The following BCL2L12 variants were observed in gnomAD, a reference collection of about 807,000 sequenced individuals.
BCL2L12 encodes the protein BCL2 like 12.
BCL2L12 carries 27 observed loss-of-function variants against 25.7 expected under a neutral mutation model. That is an observed-to-expected ratio of 1.05 (90% CI 0.78 to 1.45). The LOEUF (loss-of-function observed/expected upper bound fraction) is 1.45, where lower values mean the gene tolerates loss of function less well. Ranked by LOEUF, BCL2L12 falls within the 40% of genes most tolerant of loss-of-function variation. The pLI, the probability that BCL2L12 is intolerant of heterozygous loss-of-function variation, is 0.00. For synonymous variants in BCL2L12, 132 were observed against 145.6 expected (o/e 0.91, Z 0.67); for missense variants, 302 against 329.8 (o/e 0.92, Z 0.65).
At chr19:49,668,717 T>C in intron 3 of BCL2L12, 134 bp from the exon 4 acceptor site, 1 of 924,756 alleles carries the variant, frequency 1.1e-6, no homozygotes, top group Non-Finnish European at 1.6e-6. Context: ...GAGACTCCGT[T>C]TCCCAAAATC....
In BCL2L12 at chr19:49,666,672, C is replaced by A; in HGVS notation, c.-8-13C>A. ...AACCCTTGGAGTCCAGTCCCTAACC[C>A]TCTCTCTCACAGGTGCCTCCATGGC... is the stretch of plus-strand genomic sequence containing the variant. On this transcript the variant is annotated splice_polypyrimidine_tract_variant and intron_variant, in intron 1 of 6. Coordinates refer to ENST00000246784, the MANE Select transcript of BCL2L12 (RefSeq NM_138639.2). 1 of 1,545,666 alleles carries A rather than the reference C, an allele frequency of 6.5e-7. No homozygotes were observed. The highest frequency in any genetic ancestry group is 8.7e-7 in the Non-Finnish European group (1 of 1,142,910).
intron 6 of BCL2L12, among the ~76,000 whole-genome samples, chr19:49,671,018 C>T (rs1432015700): frequency 6.6e-6 from 1 of 151,672 alleles, no homozygotes; most frequent in Non-Finnish European, 1.5e-5. Context: ...ATAAATTAGC[C>T]GGGCGCGGTG....
Position 49,672,162 on chromosome 19 carries a change from TGTCGCA to T in BCL2L12, c.703-1532_703-1527del, listed in dbSNP as rs2081973341. The stretch of plus-strand genomic sequence containing the variant: ...CGTGCTGGCCCTGTGGCTTGGCGAC[TGTCGCA>T]GTCTCCCTGAGCGGCACTCTCCCCA... On this transcript the variant is annotated intron_variant, in intron 6 of 6. Transcript: ENST00000246784. This position sits in a 1 kb window ranked among gnomAD's most constrained non-coding sequence, Gnocchi z 4.1. 6.6e-6 allele frequency: 1 copy of T among 152,434 alleles called. No homozygotes were observed. 9.4% of individuals were successfully genotyped at this position (152,434 alleles called of 1,614,324 possible).
At chr19:49,667,272 A>C in intron 3 of BCL2L12, 111 bp downstream of exon 3, 1 of 1,459,444 alleles carries the variant, frequency 6.9e-7, no homozygotes, top group Non-Finnish European at 9.3e-7. Flanking sequence ...ACCAGCCTTC[A>C]GGACAGAACC....
rs142687869 is a variant in BCL2L12, at chr19:49,665,940, A to T, written c.-136A>T. 25 of 1,613,550 alleles carry T rather than the reference A, an allele frequency of 1.5e-5. No homozygotes were observed. The highest frequency in any genetic ancestry group is 1.6e-4 in the Middle Eastern group (1 of 6,076). On this transcript the variant is annotated 5_prime_UTR_variant, in exon 1 of 7. Transcript: ENST00000246784. ...GTGCACCCAGCGTTCCGCCCTTTCT[A>T]CGCTGGGCCGGTTATCGACCCGGCC...
Position 49,672,701 on chromosome 19 carries a change from A to C in BCL2L12, c.703-997A>C, listed in dbSNP as rs1268653512. On this transcript the variant is annotated intron_variant, in intron 6 of 6. Coordinates refer to ENST00000246784, the MANE Select transcript of BCL2L12 (RefSeq NM_138639.2). The surrounding 1 kb of genome is among the most constrained non-coding windows in gnomAD (Gnocchi z 4.1). ...AAAGGATGCTGGCCCGAGCAGCTGCAGGGCGACATCTTAAGTTCCCCGAGA... is the reference window on the plus strand; with the variant it reads ...AAAGGATGCTGGCCCGAGCAGCTGCCGGGCGACATCTTAAGTTCCCCGAGA... Among the ~76,000 whole-genome samples the C allele has an allele frequency of 7.0e-6, 1 of 143,060 alleles. No homozygotes were observed. The highest frequency in any genetic ancestry group is 1.5e-5 in the Non-Finnish European group (1 of 65,666). The allele number at this position is 143,060 out of a possible 152,430, so 93.9% of individuals were successfully genotyped here.
At chr19:49,669,797 G>A (rs2093711518) in intron 5 of BCL2L12, among the ~76,000 whole-genome samples, 1 of 152,124 alleles carries the variant, frequency 6.6e-6, no homozygotes, top group Non-Finnish European at 1.5e-5. Flanking sequence ...TACTACCAGA[G>A]GAGGTGTGGC....
rs199837123 is a variant in BCL2L12, at chr19:49,668,868, T to G, written c.268T>G (p.Phe90Val). Residue 90 changes from phenylalanine to valine, a missense_variant, in exon 4 of 7, where the codon TTC becomes GTC. By Grantham distance (50) the Phe-to-Val change is conservative. Coordinates refer to ENST00000246784, the MANE Select transcript of BCL2L12 (RefSeq NM_138639.2). Reference sequence around the variant, plus strand: ...CACCCCAGGCCCAGCTACTCCAGACTTCTATGCTTTGGTGGCCCAGCGGCT... The same window carrying G: ...CACCCCAGGCCCAGCTACTCCAGACGTCTATGCTTTGGTGGCCCAGCGGCT... ...GLEPGPATPD[F>V]YALVAQRLEQ... 1.1e-4 allele frequency: 171 copies of G among 1,613,120 alleles called. No homozygotes were observed. The Middle Eastern group carries it at 1.3e-3, about 13-fold the overall frequency.
At chr19:49,669,138 C>T (rs2122840017) in intron 5 of BCL2L12, 23 bp downstream of exon 5, 1 of 1,611,894 alleles carries the variant, frequency 6.2e-7, no homozygotes, top group Non-Finnish European at 8.5e-7. Flanking sequence ...TGTCCCACTC[C>T]TTGGCAAGGA....
chr19:49,665,676 G>A, upstream of BCL2L12: 1 of 1,128,284 alleles, frequency 8.9e-7, no homozygotes, highest in South Asian at 1.6e-5. Flanking sequence ...ACCCACCCCT[G>A]TCTTGGAGCT....
chr19:49,667,217 G>A, intron 3 of BCL2L12, 56 bp downstream of exon 3: 1 of 1,589,560 alleles, frequency 6.3e-7, no homozygotes, highest in Admixed American at 1.7e-5. Flanking sequence ...TAAGGTGCTA[G>A]TTTAAGATCA....
intron 6 of BCL2L12, among the ~76,000 whole-genome samples, chr19:49,671,259 T>C (rs1453165836): frequency 2.0e-5 from 3 of 151,964 alleles, no homozygotes; most frequent in Admixed American, 2.0e-4. Context: ...GGTCAGGAGT[T>C]TGAGACCAGC....
Position 49,670,504 on chromosome 19 carries a change from C to G in BCL2L12, c.702+16C>G. The G allele has an allele frequency of 6.5e-7, 1 of 1,536,484 alleles. No individual in the cohort carries two copies. Among genetic ancestry groups the G allele is most frequent in the Non-Finnish European group, 8.7e-7 (1 of 1,143,920 alleles). Reference sequence around the variant, plus strand: ...CGGGGGCTGGGTGAGCCGCTGAAGCCTCTCTCTCCGGGCCTCACTTTACCT... The same window carrying G: ...CGGGGGCTGGGTGAGCCGCTGAAGCGTCTCTCTCCGGGCCTCACTTTACCT... On this transcript the variant is annotated intron_variant, in intron 6 of 6. Coordinates refer to ENST00000246784, the MANE Select transcript of BCL2L12 (RefSeq NM_138639.2).
chr19:49,673,057 G>T (rs1353025133), intron 6 of BCL2L12, among the ~76,000 whole-genome samples: 1 of 152,136 alleles, frequency 6.6e-6, no homozygotes, highest in African/African-American at 2.4e-5. Context: ...GCAGAGACGG[G>T]GTTTTGCCCT....
chr19:49,668,978 G>A (rs2122837899), intron 4 of BCL2L12, 41 bp downstream of exon 4: 2 of 1,613,936 alleles, frequency 1.2e-6, no homozygotes, highest in Non-Finnish European at 1.7e-6. Context: ...GGCGGTGGGA[G>A]GATAGTCAGG....
rs768916751 is a variant in BCL2L12, at chr19:49,670,438, G to A, written c.652G>A (p.Val218Met). The change falls in exon 6 of 7, where the codon GTG becomes ATG. Residue 218 changes from valine (V) to methionine (M), a missense_variant. Val to Met is a conservative substitution (Grantham distance 21, BLOSUM62 1). Transcript: ENST00000246784. Reference protein sequence around the residue: ...GLGGTLAGLSVEHVHSFTPWI... With the variant: ...GLGGTLAGLSMEHVHSFTPWI... ...GGGGGGCACCCTGGCCGGACTCAGC[G>A]TGGAGCACGTGCACAGCTTCACGCC... 3.2e-6 allele frequency: 5 copies of A among 1,538,752 alleles called. 1 individual carries two copies. The highest frequency in any genetic ancestry group is 2.4e-5 in the South Asian group (2 of 82,908).
At chr19:49,667,686 A>G (rs577513984) in intron 3 of BCL2L12, among the ~76,000 whole-genome samples, 160 of 152,282 alleles carry the variant, frequency 1.1e-3, no homozygotes, top group African/African-American at 3.7e-3. Flanking sequence ...GCTGTGATCA[A>G]TTGGTGATGT....
intron 2 of BCL2L12, 69 bp downstream of exon 2, chr19:49,666,868 C>A: frequency 6.6e-7 from 1 of 1,515,336 alleles, no homozygotes; most frequent in South Asian, 1.2e-5. Flanking sequence ...TGCTCCTGGT[C>A]TCAGTCTGTC....
At position 49,672,467 on chromosome 19, in the gene BCL2L12, A is replaced by G. The variant is rs2122880299; in HGVS notation, c.703-1231A>G. ...GACTCTGGGTAAGCCAAGGTCTCTG[A>G]GCAGCGGAGGGACAGGCGCTGATTT... On this transcript the variant is annotated intron_variant, in intron 6 of 6. Transcript: ENST00000246784. The surrounding 1 kb of genome is among the most constrained non-coding windows in gnomAD (Gnocchi z 4.1). Among the ~76,000 whole-genome samples the G allele has an allele frequency of 6.6e-6, 1 of 152,266 alleles. No individual in the cohort carries two copies. Among genetic ancestry groups the G allele is most frequent in the South Asian group, 2.1e-4 (1 of 4,818 alleles).
Sources: gnomAD v4.1 joint callset for allele counts (sites outside exome capture counted in the v4.1 genomes callset) on GRCh38, gnomAD v4.1.1 for gene constraint, Gnocchi (gnomAD v3.1) non-coding constraint, MANE v1.5 for transcripts, NCBI Gene and HGNC (gene_info 2026-07-23, HGNC 2026-07-21) for gene names.